ST3GAL3: variants seen among roughly 807,000 people sequenced by gnomAD.
ST3GAL3 encodes ST3 beta-galactoside alpha-2,3-sialyltransferase 3.
Under a neutral mutation model 50.1 loss-of-function variants are expected in ST3GAL3, and 21 were observed. That is an observed-to-expected ratio of 0.42 (90% CI 0.30 to 0.60). The LOEUF is 0.60. Ranked by LOEUF, ST3GAL3 falls within the 20% of genes least tolerant of loss-of-function variation. ST3GAL3 has a pLI of 0.19. For missense variants in ST3GAL3, 353 were observed against 489.4 expected (o/e 0.72, Z 2.63); for synonymous variants, 183 against 190.0 (o/e 0.96, Z 0.30).
chr1:43,747,641 C>A (rs1233227427), intron 2 of ST3GAL3, among the ~76,000 whole-genome samples: 1 of 144,812 alleles, frequency 6.9e-6, no homozygotes, highest in African/African-American at 2.6e-5. Flanking sequence ...CCTGCAATGG[C>A]ACCATCTTGG....
At chr1:43,710,304 A>T (rs1022726669) in intron 1 of ST3GAL3, among the ~76,000 whole-genome samples, 32 of 150,996 alleles carry the variant, frequency 2.1e-4, no homozygotes, top group Non-Finnish European at 4.4e-4. Flanking sequence ...CTGATCTTGA[A>T]CTCCTGATCT....
chr1:43,772,111 A>G (rs2154133563), intron 2 of ST3GAL3: 1 of 396,812 alleles, frequency 2.5e-6, no homozygotes, highest in Non-Finnish European at 4.4e-6. Flanking sequence ...GTGTGATGGC[A>G]TAATCTCTGC....
intron 2 of ST3GAL3, among the ~76,000 whole-genome samples, chr1:43,782,327 G>T (rs1699629099): frequency 6.6e-6 from 1 of 152,116 alleles, no homozygotes; most frequent in Non-Finnish European, 1.5e-5. Context: ...GACCCTCATT[G>T]TCTGTCACCT....
intron 3 of ST3GAL3, among the ~76,000 whole-genome samples, chr1:43,813,902 C>CGT (rs2060907690): frequency 6.0e-5 from 5 of 83,120 alleles, no homozygotes; most frequent in Non-Finnish European, 1.1e-4. Context: ...CACGCACACA[C>CGT]GCACACACAC....
intron 1 of ST3GAL3, among the ~76,000 whole-genome samples, chr1:43,728,375 T>A (rs2154080776): frequency 9.3e-6 from 1 of 107,278 alleles, no homozygotes; most frequent in East Asian, 2.9e-4. Flanking sequence ...ACCATCAAAA[T>A]CTAGGTACTA....
intron 9 of ST3GAL3, among the ~76,000 whole-genome samples, chr1:43,908,393 G>A (rs1276093992): frequency 6.6e-6 from 1 of 152,126 alleles, no homozygotes; most frequent in Admixed American, 6.5e-5. Flanking sequence ...TCTCATACCA[G>A]CAGCACCAGT....
intron 5 of ST3GAL3, among the ~76,000 whole-genome samples, chr1:43,846,033 G>T (rs1294469371): frequency 1.3e-5 from 2 of 152,110 alleles, no homozygotes; most frequent in African/African-American, 2.4e-5. Flanking sequence ...TAAATTAATT[G>T]AAATCTGAGT....
intron 4 of ST3GAL3, among the ~76,000 whole-genome samples, chr1:43,822,045 G>A (rs546580456): frequency 4.2e-4 from 64 of 152,342 alleles, no homozygotes; most frequent in African/African-American, 1.4e-3. Context: ...GAATGCTGTT[G>A]AAGAGATTGC....
intron 4 of ST3GAL3, among the ~76,000 whole-genome samples, chr1:43,821,687 C>A (rs1456058014): frequency 6.6e-6 from 1 of 152,104 alleles, no homozygotes; most frequent in Admixed American, 6.5e-5. Flanking sequence ...ACCCCGTCTT[C>A]CCCAGGGGTT....
At chr1:43,837,171 T>C (rs140323031) in intron 4 of ST3GAL3, among the ~76,000 whole-genome samples, 188 of 152,130 alleles carry the variant, frequency 1.2e-3, no homozygotes, top group African/African-American at 4.4e-3. Context: ...TAGCAAGTGC[T>C]GGGGGTAAGT....
chr1:43,910,345 A>G (rs975433896), intron 9 of ST3GAL3, among the ~76,000 whole-genome samples: 12 of 152,252 alleles, frequency 7.9e-5, no homozygotes, highest in African/African-American at 2.9e-4. Flanking sequence ...CACTGGCCTC[A>G]GTGTTAGGAA....
At chr1:43,917,514 T>C (rs1329667603) in intron 9 of ST3GAL3, among the ~76,000 whole-genome samples, 1 of 72,400 alleles carries the variant, frequency 1.4e-5, no homozygotes, top group Non-Finnish European at 2.6e-5. Context: ...TTATATAATA[T>C]AATATATATT....
At chr1:43,744,713 A>AT (rs1682822405) in intron 2 of ST3GAL3, among the ~76,000 whole-genome samples, 2 of 150,170 alleles carry the variant, frequency 1.3e-5, no homozygotes, top group Non-Finnish European at 3.0e-5. Context: ...ATAAAATAAA[A>AT]TATAATAGCC....
Position 43,921,115 on chromosome 1 carries a change from C to T in ST3GAL3, c.1038+187C>T, listed in dbSNP as rs181740958. ...ACCCAGGGCCTTCTCCCTGAACTTT[C>T]CTTCCAAGGGACTCTCCGTGCCCTG... On this transcript the variant is annotated intron_variant, in intron 11 of 11. Coordinates refer to ENST00000347631, the MANE Select transcript of ST3GAL3 (RefSeq NM_006279.5). 4.1e-3 allele frequency among the ~76,000 whole-genome samples: 626 copies of T among 152,234 alleles called. 11 individuals are homozygous for T. The highest frequency in any genetic ancestry group is 3.4e-3 in the Middle Eastern group (1 of 294).
At chr1:43,927,881 T>A (rs1384652274) in intron 11 of ST3GAL3, among the ~76,000 whole-genome samples, 2 of 152,050 alleles carry the variant, frequency 1.3e-5, no homozygotes, top group Admixed American at 6.6e-5. Flanking sequence ...CTTCAGAGGC[T>A]GTGGAGTGTG....
intron 5 of ST3GAL3, among the ~76,000 whole-genome samples, chr1:43,869,880 A>G (rs970227182): frequency 6.6e-6 from 1 of 152,166 alleles, no homozygotes; most frequent in African/African-American, 2.4e-5. Context: ...CTTGCCCCCA[A>G]CGCTACAGGC....
rs191230538 is a variant in ST3GAL3 at position 43,748,099 on chromosome 1, C to T, written c.118+11719C>T. 4.2e-3 allele frequency among the ~76,000 whole-genome samples: 639 copies of T among 152,130 alleles called. 4 individuals carry two copies. Among genetic ancestry groups the T allele is most frequent in the Non-Finnish European group, 6.9e-3 (468 of 67,994 alleles). On this transcript the variant is annotated intron_variant, in intron 2 of 11. Transcript: ENST00000347631. ...GGAAATCCCAAGGGATTTAGGAGCC[C>T]TGTCTCAGGAACTAGGAGCAGAAAC... is the stretch of plus-strand genomic sequence containing the variant.
rs114768698 is a variant in ST3GAL3, at chr1:43,904,366, G to A, written c.744+4639G>A. 9.7e-3 allele frequency among the ~76,000 whole-genome samples: 1,471 copies of A among 152,140 alleles called. 23 individuals are homozygous for A. Among genetic ancestry groups the A allele is most frequent in the African/African-American group, 0.034 (1,406 of 41,464 alleles). On this transcript the variant is annotated intron_variant, in intron 9 of 11. Coordinates refer to ENST00000347631, the MANE Select transcript of ST3GAL3 (RefSeq NM_006279.5). The stretch of plus-strand genomic sequence containing the variant: ...CTGGGAGACTCAGTGCAGGCCTCCT[G>A]CTCCCGAGCCAGCATTCACCACCCA...
At chr1:43,852,885 G>T (rs955117311) in intron 5 of ST3GAL3, among the ~76,000 whole-genome samples, 6 of 152,110 alleles carry the variant, frequency 3.9e-5, no homozygotes, top group Non-Finnish European at 8.8e-5. Flanking sequence ...AACATTTAAT[G>T]TTAGACACTT....
Sources: allele counts gnomAD v4.1 joint callset (sites outside exome capture counted in the v4.1 genomes callset), GRCh38; gene constraint gnomAD v4.1.1; transcripts MANE v1.5; gene names NCBI Gene and HGNC (gene_info 2026-07-23, HGNC 2026-07-21).